WFDC9: variants seen among roughly 807,000 people sequenced by gnomAD.
The protein encoded by WFDC9 is WAP four-disulfide core domain 9.
A neutral mutation model predicts 9.5 loss-of-function variants in WFDC9; 9 were observed. The ratio of observed to expected loss-of-function variants is 0.95; its 90% CI spans 0.57 to 1.65. The LOEUF (loss-of-function observed/expected upper bound fraction) is 1.65. WFDC9 is among the 40% of genes most tolerant of loss of function. The probability of loss-of-function intolerance (pLI) is 0.00; values close to 1 mark genes in which losing one functional copy is unlikely to be tolerated. For missense variants in WFDC9, 87 were observed against 106.7 expected (o/e 0.82, Z 0.81); for synonymous variants, 33 against 32.3 (o/e 1.02, Z -0.07).
At chr20:45,609,746 TCAAAGGCTCACC>T (rs1195931864) in intron 3 of WFDC9, among the ~76,000 whole-genome samples, 1 of 152,130 alleles carries the variant, frequency 6.6e-6, no homozygotes, top group Non-Finnish European at 1.5e-5. Context: ...TTGGCATTCA[TCAAAGGCTCACC>T]CAACTGAGGC....
intron 2 of WFDC9, among the ~76,000 whole-genome samples, chr20:45,614,340 G>A (rs1406234549): frequency 1.3e-5 from 2 of 152,094 alleles, no homozygotes; most frequent in East Asian, 3.9e-4. Context: ...AGATCCCCCA[G>A]GATCAGAAAG....
chr20:45,618,876 A>G lies in WFDC9; in HGVS notation c.-152-4155T>C, dbSNP rs373508536. ...AAAAATAGTGCCAAAAGATTTGCTC[A>G]ATGCAGGGTTGCTGCAAACCTTCAA... On this transcript the variant is annotated intron_variant, in intron 1 of 4. Coordinates refer to ENST00000326000, the MANE Select transcript of WFDC9 (RefSeq NM_147198.4). Among the ~76,000 whole-genome samples, 9 of 152,262 alleles carry G rather than the reference A, an allele frequency of 5.9e-5. No homozygotes were observed. The East Asian group carries it at 1.2e-3, about 19-fold the overall frequency.
Position 45,607,996 on chromosome 20 carries a change from T to G in WFDC9, c.*114A>C. The G allele has an allele frequency of 2.5e-6, 3 of 1,179,656 alleles. No individual in the cohort carries two copies. The highest frequency in any genetic ancestry group is 3.1e-5 in the African/African-American group (2 of 65,040). 73.1% of individuals were successfully genotyped at this position (1,179,656 alleles called of 1,614,324 possible). A position where few individuals can be genotyped will look rare whatever the true frequency, so the allele number is the denominator to read the frequency against. On this transcript the variant is annotated 3_prime_UTR_variant, in exon 5 of 5. Coordinates refer to ENST00000326000, the MANE Select transcript of WFDC9 (RefSeq NM_147198.4). The stretch of plus-strand genomic sequence containing the variant: ...CTTCAGGGTAAAGAGGTCAAGGAAA[T>G]AGCAGAAAGGTTACCAGCTAGAGCC...
intron 1 of WFDC9, among the ~76,000 whole-genome samples, chr20:45,624,315 G>A (rs1382202098): frequency 6.6e-6 from 1 of 152,164 alleles, no homozygotes; most frequent in Non-Finnish European, 1.5e-5. Context: ...GAGACTATGT[G>A]TTGTTTAATT....
chr20:45,627,583 T>C (rs773317300), intron 1 of WFDC9, among the ~76,000 whole-genome samples: 2 of 152,124 alleles, frequency 1.3e-5, no homozygotes, highest in Non-Finnish European at 2.9e-5. Context: ...CCATTTCCTC[T>C]AGGTTTTTGA....
chr20:45,608,547 CTT>C, intron 4 of WFDC9, 114 bp downstream of exon 4: 8 of 1,315,086 alleles, frequency 6.1e-6, no homozygotes, highest in Non-Finnish European at 8.3e-6. Flanking sequence ...AGGACATTGT[CTT>C]TTGCTGCCTA....
chr20:45,622,176 C>T (rs1227464329), intron 1 of WFDC9, among the ~76,000 whole-genome samples: 6 of 148,886 alleles, frequency 4.0e-5, no homozygotes, highest in African/African-American at 1.5e-4. Flanking sequence ...CCTTAAACAT[C>T]TTGAAAATGC....
chr20:45,622,376 CA>C (rs1982121499), intron 1 of WFDC9, among the ~76,000 whole-genome samples: 1 of 152,012 alleles, frequency 6.6e-6, no homozygotes, highest in Non-Finnish European at 1.5e-5. Context: ...TGATCATTTC[CA>C]GTCTGAGATC....
Position 45,608,676 on chromosome 20 carries a change from A to G in WFDC9, c.226T>C (p.Cys76Arg), listed in dbSNP as rs1403218148. Reference protein sequence around the residue: ...TCCWTYCGNICLDNEEPLKSM... With the variant: ...TCCWTYCGNIRLDNEEPLKSM... ...CAACCAACTCACTCGTTGTCTAAGC[A>G]GATGTTTCCACAGTAGGTCCAGCAG... Residue 76 changes from cysteine to arginine, a missense_variant, in exon 4 of 5, where the codon TGC (cysteine) becomes CGC (arginine). By Grantham distance (180) the Cys-to-Arg change is radical. Transcript: ENST00000326000. 9.3e-6 allele frequency: 15 copies of G among 1,613,158 alleles called. No homozygotes were observed. The highest frequency in any genetic ancestry group is 1.3e-5 in the Non-Finnish European group (15 of 1,179,440).
chr20:45,619,870 C>T (rs1348184466), intron 1 of WFDC9, among the ~76,000 whole-genome samples: 5 of 151,894 alleles, frequency 3.3e-5, no homozygotes, highest in South Asian at 4.2e-4. Context: ...ACCAAAAATA[C>T]GAAAAATTAG....
intron 1 of WFDC9, among the ~76,000 whole-genome samples, chr20:45,627,610 C>T (rs1256315394): frequency 6.6e-6 from 1 of 152,196 alleles, no homozygotes; most frequent in East Asian, 1.9e-4. Flanking sequence ...AAGGATATCA[C>T]AAAGGATACA....
In WFDC9 at chr20:45,608,524, G is replaced by A. The variant is rs146780635; in HGVS notation, c.239+139C>T. On this transcript the variant is annotated intron_variant, in intron 4 of 4. Coordinates refer to ENST00000326000, the MANE Select transcript of WFDC9 (RefSeq NM_147198.4). ...TATTTTGCAGTGAGGAGCAGCCTAG[G>A]TTTGGAGATAGGAGGACATTGTCTT... 1.0e-4 allele frequency: 107 copies of A among 1,065,898 alleles called. No homozygotes were observed. The African/African-American group carries it at 1.3e-3, about 13-fold the overall frequency. The allele number at this position is 1,065,898 out of a possible 1,614,324, so 66.0% of individuals were successfully genotyped here.
At chr20:45,625,142 C>T (rs777399135) in intron 1 of WFDC9, among the ~76,000 whole-genome samples, 16 of 152,040 alleles carry the variant, frequency 1.1e-4, no homozygotes, top group Middle Eastern at 3.2e-3. Flanking sequence ...TGTCAGAAGG[C>T]GAAGGGGAAG....
intron 1 of WFDC9, among the ~76,000 whole-genome samples, chr20:45,623,381 T>G (rs542098248): frequency 6.6e-6 from 1 of 152,304 alleles, no homozygotes; most frequent in East Asian, 1.9e-4. Context: ...GGCTCATGCC[T>G]GTAATCCTAA....
intron 2 of WFDC9, among the ~76,000 whole-genome samples, chr20:45,613,424 TCTC>T (rs1428691282): frequency 6.6e-6 from 1 of 152,192 alleles, no homozygotes; most frequent in Non-Finnish European, 1.5e-5. Flanking sequence ...GAAAATGTAT[TCTC>T]CTCTTAGCTT....
rs557708799 is a variant in WFDC9, at chr20:45,626,334, T to C, written c.-153+4869A>G. On this transcript the variant is annotated intron_variant, in intron 1 of 4. Coordinates refer to ENST00000326000, the MANE Select transcript of WFDC9 (RefSeq NM_147198.4). ...TTATTTTATATTACTGTGAAGAATG[T>C]CACTGGTATTTTAATAGGGATTGCA... 4.6e-5 allele frequency among the ~76,000 whole-genome samples: 7 copies of C among 152,348 alleles called. No homozygotes were observed. In the South Asian group the frequency reaches 1.4e-3, roughly 32 times the overall value.
chr20:45,619,127 G>T (rs1408137900), intron 1 of WFDC9, among the ~76,000 whole-genome samples: 1 of 152,146 alleles, frequency 6.6e-6, no homozygotes, highest in Non-Finnish European at 1.5e-5. Flanking sequence ...GACTGAAAAT[G>T]GTGCCAAACC....
intron 3 of WFDC9, 43 bp from the exon 4 acceptor site, chr20:45,608,853 A>C (rs914074711): frequency 4.5e-6 from 7 of 1,564,552 alleles, no homozygotes; most frequent in African/African-American, 1.4e-5. Flanking sequence ...TTCACAACTC[A>C]GACAAGAAAC....
chr20:45,624,223 C>G (rs998483650), intron 1 of WFDC9, among the ~76,000 whole-genome samples: 1 of 152,114 alleles, frequency 6.6e-6, no homozygotes, highest in African/African-American at 2.4e-5. Context: ...CTATCTTCCC[C>G]TTCCCACTAT....
Sources: gnomAD v4.1 joint callset for allele counts (sites outside exome capture counted in the v4.1 genomes callset) on GRCh38, gnomAD v4.1.1 for gene constraint, MANE v1.5 for transcripts, NCBI Gene and HGNC (gene_info 2026-07-23, HGNC 2026-07-21) for gene names.